SNX24: variants seen among roughly 807,000 people sequenced by gnomAD.
The protein encoded by SNX24 is sorting nexin-24.
In SNX24, 22 loss-of-function variants were observed where a neutral mutation model predicts 28.7. The observed-to-expected ratio is 0.77, with a 90% confidence interval of 0.55 to 1.10. The LOEUF (loss-of-function observed/expected upper bound fraction) is 1.10. SNX24 is among the 50% of genes least tolerant of loss of function. The probability of loss-of-function intolerance (pLI) is 0.00; values close to 1 mark genes in which losing one functional copy is unlikely to be tolerated. For missense variants in SNX24, 221 were observed against 201.1 expected (o/e 1.10, Z -0.60); for synonymous variants, 69 against 71.5 (o/e 0.96, Z 0.18).
intron 3 of SNX24, among the ~76,000 whole-genome samples, chr5:122,990,297 G>A (rs1273190437): frequency 6.6e-6 from 1 of 152,118 alleles, no homozygotes; most frequent in Admixed American, 6.5e-5. Context: ...CATTTAAACA[G>A]GTGACTAAAT....
At chr5:122,995,910 C>A (rs1020300650) in intron 3 of SNX24, among the ~76,000 whole-genome samples, 1 of 152,110 alleles carries the variant, frequency 6.6e-6, no homozygotes, top group African/African-American at 2.4e-5. Flanking sequence ...ACAGGGGCAG[C>A]ATGGTAGTAC....
rs550593094 is a variant in SNX24 at position 122,902,645 on chromosome 5, C to A, written c.61-34089C>A. 2.6e-4 allele frequency among the ~76,000 whole-genome samples: 39 copies of A among 152,282 alleles called. No homozygotes were observed. In the South Asian group the frequency reaches 7.9e-3, roughly 31 times the overall value. ...CCTTACAGACAAGGAACAGAATCTT[C>A]CTATTGGCCAGTACTGGATTCCCTA... On this transcript the variant is annotated intron_variant, in intron 1 of 6. Transcript: ENST00000261369.
At chr5:122,957,770 T>G (rs1054609555) in intron 3 of SNX24, among the ~76,000 whole-genome samples, 7 of 152,244 alleles carry the variant, frequency 4.6e-5, no homozygotes, top group Non-Finnish European at 5.9e-5. Context: ...CTAAGTATTT[T>G]ATTCTCTTTG....
chr5:123,015,501 T>G (rs1762664163), intron 5 of SNX24, among the ~76,000 whole-genome samples: 1 of 152,150 alleles, frequency 6.6e-6, no homozygotes, highest in Admixed American at 6.5e-5. Context: ...AATTCAGTGT[T>G]TATAAACCAT....
chr5:123,019,266 T>A (rs1254779272), intron 5 of SNX24, among the ~76,000 whole-genome samples: 1 of 151,996 alleles, frequency 6.6e-6, no homozygotes, highest in African/African-American at 2.4e-5. Context: ...TTACAAATAC[T>A]GTTTTTAATT....
intron 3 of SNX24, among the ~76,000 whole-genome samples, chr5:122,949,147 T>C (rs1160218052): frequency 6.6e-6 from 1 of 152,216 alleles, no homozygotes; most frequent in Non-Finnish European, 1.5e-5. Flanking sequence ...CAACCTGTTT[T>C]GGCATCTGTA....
chr5:122,847,753 C>G (rs948667097), intron 1 of SNX24, among the ~76,000 whole-genome samples: 1 of 152,144 alleles, frequency 6.6e-6, no homozygotes, highest in Non-Finnish European at 1.5e-5. Flanking sequence ...CTAGGCCTCC[C>G]AAAGTGCTGG....
At chr5:122,971,833 T>G (rs1302254717) in intron 3 of SNX24, among the ~76,000 whole-genome samples, 1 of 152,228 alleles carries the variant, frequency 6.6e-6, no homozygotes, top group African/African-American at 2.4e-5. Flanking sequence ...CTGTCTATTC[T>G]GTATTCCCTT....
At chr5:122,976,870 G>A (rs1761187454) in intron 3 of SNX24, among the ~76,000 whole-genome samples, 1 of 152,214 alleles carries the variant, frequency 6.6e-6, no homozygotes, top group African/African-American at 2.4e-5. Flanking sequence ...GAGCATGGCA[G>A]CGGTTTGTTT....
chr5:123,025,860 T>G lies in SNX24; in HGVS notation n.384-3378T>G, dbSNP rs1306151884. 7 of 1,614,174 alleles carry G rather than the reference T, an allele frequency of 4.3e-6. No individual in the cohort carries two copies. In the South Asian group the frequency reaches 7.7e-5, roughly 18 times the overall value. Reference sequence around the variant, plus strand: ...GGGCTTGGTCAAGGTGATAAAGAACTGAGAGCCATTGGTGTCAGGCCCAGC... The same window carrying G: ...GGGCTTGGTCAAGGTGATAAAGAACGGAGAGCCATTGGTGTCAGGCCCAGC... On this transcript the variant is annotated intron_variant and non_coding_transcript_variant, in intron 5 of 5. Coordinates refer to the SNX24 transcript ENST00000502387.
chr5:122,913,836 A>ACGAGACTCCGTCTGCAATCCTGGCAC (rs1758031021), intron 1 of SNX24, among the ~76,000 whole-genome samples: 1 of 152,168 alleles, frequency 6.6e-6, no homozygotes, highest in Non-Finnish European at 1.5e-5. Context: ...CACTGAGTGA[A>ACGAGACTCCGTCTGCAATCCTGGCAC]CGAGACTCCG....
chr5:122,886,028 C>T (rs746548913), intron 1 of SNX24, among the ~76,000 whole-genome samples: 2 of 152,110 alleles, frequency 1.3e-5, no homozygotes, highest in Non-Finnish European at 2.9e-5. Context: ...ACCGTTTCCC[C>T]GCGGCCCAGG....
chr5:122,926,566 G>A (rs1465886918), intron 1 of SNX24, among the ~76,000 whole-genome samples: 1 of 152,120 alleles, frequency 6.6e-6, no homozygotes. Flanking sequence ...TCTAGTATTA[G>A]AGTCAAAATT....
chr5:122,987,776 A>C (rs1386835582), intron 3 of SNX24, among the ~76,000 whole-genome samples: 1 of 152,176 alleles, frequency 6.6e-6, no homozygotes, highest in African/African-American at 2.4e-5. Flanking sequence ...ACACCATTGC[A>C]CAGAAGGCCT....
chr5:122,900,308 A>C (rs548303644), intron 1 of SNX24, among the ~76,000 whole-genome samples: 1 of 152,210 alleles, frequency 6.6e-6, no homozygotes, highest in Admixed American at 6.5e-5. Flanking sequence ...ATCACCTCAC[A>C]TAGTTACAAT....
chr5:122,956,260 TC>T (rs1760205304), intron 3 of SNX24, among the ~76,000 whole-genome samples: 1 of 151,968 alleles, frequency 6.6e-6, no homozygotes, highest in South Asian at 2.1e-4. Context: ...GTGAACAGTG[TC>T]CCAGGCCTGA....
intron 1 of SNX24, among the ~76,000 whole-genome samples, chr5:122,910,965 A>G (rs962126973): frequency 2.0e-5 from 3 of 152,082 alleles, no homozygotes; most frequent in Non-Finnish European, 4.4e-5. Context: ...ATGATTTATA[A>G]TCCTTTGGGT....
intron 1 of SNX24, among the ~76,000 whole-genome samples, chr5:122,914,085 CAGAGGGAGACCATGGAAAGAGAGGA>C (rs1429821550): frequency 2.0e-5 from 3 of 152,110 alleles, no homozygotes; most frequent in African/African-American, 7.2e-5. Flanking sequence ...GGCTTGGCAT[CAGAGGGAGACCATGGAAAGAGAGGA>C]AGAGGGAGAC....
chr5:123,024,132 T>G (rs1762815122), intron 5 of SNX24: 1 of 537,408 alleles, frequency 1.9e-6, no homozygotes, highest in Non-Finnish European at 2.7e-6. Context: ...GTTGGTTTTT[T>G]ATGACTACTA....
Sources: allele counts gnomAD v4.1 joint callset (sites outside exome capture counted in the v4.1 genomes callset), GRCh38; gene constraint gnomAD v4.1.1; transcripts MANE v1.5; gene names NCBI Gene and HGNC (gene_info 2026-07-23, HGNC 2026-07-21).